Variants in NRXN3 observed in about 807,000 individuals in gnomAD.
NRXN3 encodes neurexin III.
NRXN3 carries 32 observed loss-of-function variants against 137.6 expected under a neutral mutation model. That is an observed-to-expected ratio of 0.23 (90% CI 0.18 to 0.31). The LOEUF is 0.31. Ranked by LOEUF, NRXN3 falls within the 10% of genes least tolerant of loss-of-function variation. The pLI, the probability that NRXN3 is intolerant of heterozygous loss-of-function variation, is 1.00. For missense variants in NRXN3, 1,574 were observed against 2,062.5 expected (o/e 0.76, Z 4.59); for synonymous variants, 798 against 784.5 (o/e 1.02, Z -0.29).
intron 15 of NRXN3, among the ~76,000 whole-genome samples, chr14:79,391,926 T>G (rs2094858596): frequency 6.6e-6 from 1 of 152,232 alleles, no homozygotes; most frequent in Admixed American, 6.5e-5. Context: ...GTCTATGTTC[T>G]ATAGTCCCTC....
At chr14:78,498,615 CA>C (rs2095828912) in intron 4 of NRXN3, among the ~76,000 whole-genome samples, 1 of 152,100 alleles carries the variant, frequency 6.6e-6, no homozygotes, top group Non-Finnish European at 1.5e-5. Flanking sequence ...AGTGGTGGTG[CA>C]TACACTTATA....
At chr14:78,407,026 G>T (rs1374040097) in intron 4 of NRXN3, among the ~76,000 whole-genome samples, 1 of 152,182 alleles carries the variant, frequency 6.6e-6, no homozygotes, top group African/African-American at 2.4e-5. Context: ...CAAAGAGAGG[G>T]TCTTAGGGAC....
At chr14:78,370,318 T>C (rs945926992) in intron 4 of NRXN3, among the ~76,000 whole-genome samples, 3 of 152,128 alleles carry the variant, frequency 2.0e-5, no homozygotes, top group Non-Finnish European at 4.4e-5. Context: ...GACACTTTTT[T>C]TTTTTTTTTG....
chr14:79,671,144 A>T (rs915156325), intron 17 of NRXN3, among the ~76,000 whole-genome samples: 1 of 152,150 alleles, frequency 6.6e-6, no homozygotes, highest in Admixed American at 6.5e-5. Context: ...ACCACCCATT[A>T]GGACAGCGTT....
chr14:78,176,619 A>G (rs1399772617), intron 1 of NRXN3, among the ~76,000 whole-genome samples: 1 of 152,166 alleles, frequency 6.6e-6, no homozygotes, highest in Non-Finnish European at 1.5e-5. Context: ...TCAAGTACAA[A>G]TGACAAGATG....
chr14:79,777,162 C>G (rs1422780913), intron 19 of NRXN3, among the ~76,000 whole-genome samples: 1 of 152,066 alleles, frequency 6.6e-6, no homozygotes, highest in South Asian at 2.1e-4. Context: ...TTTTTGTTAG[C>G]CTCTTATGAA....
chr14:79,055,930 G>T (rs2099660404), intron 15 of NRXN3, among the ~76,000 whole-genome samples: 2 of 152,166 alleles, frequency 1.3e-5, no homozygotes, highest in Admixed American at 6.5e-5. Context: ...GTAGGAAGCA[G>T]ATCAAAGGCC....
chr14:78,891,525 G>A (rs28567634), intron 10 of NRXN3, among the ~76,000 whole-genome samples: 2,571 of 151,940 alleles, frequency 0.017, 75 homozygotes, highest in African/African-American at 0.059. Context: ...AAATTCCCAC[G>A]CTTCCCTGTC....
intron 15 of NRXN3, among the ~76,000 whole-genome samples, chr14:79,338,370 G>T (rs774155782): frequency 3.3e-5 from 5 of 151,844 alleles, no homozygotes; most frequent in Admixed American, 6.6e-5. Flanking sequence ...CAGCCTTCAG[G>T]GTTTTCAAGA....
intron 4 of NRXN3, among the ~76,000 whole-genome samples, chr14:78,307,449 T>C (rs2077485232): frequency 6.6e-6 from 1 of 152,130 alleles, no homozygotes; most frequent in Admixed American, 6.6e-5. Context: ...TAACTTTCAT[T>C]AAGAAGGATT....
chr14:79,289,303 T>C (rs1398862880), intron 15 of NRXN3, among the ~76,000 whole-genome samples: 1 of 152,200 alleles, frequency 6.6e-6, no homozygotes, highest in African/African-American at 2.4e-5. Context: ...TCTGCCAGTG[T>C]TGGACTTGCC....
chr14:79,804,422 G>T (rs941246216), intron 19 of NRXN3, among the ~76,000 whole-genome samples: 1 of 152,090 alleles, frequency 6.6e-6, no homozygotes, highest in African/African-American at 2.4e-5. Flanking sequence ...AATTTAAAAG[G>T]TGCCTCAAGT....
intron 16 of NRXN3, among the ~76,000 whole-genome samples, chr14:79,644,983 TC>T: frequency 7.4e-6 from 1 of 135,408 alleles, no homozygotes; most frequent in East Asian, 2.0e-4. Context: ...GGATTCCAAA[TC>T]CCAATTCAGG....
At chr14:79,804,287 T>A (rs1195290331) in intron 19 of NRXN3, among the ~76,000 whole-genome samples, 1 of 152,130 alleles carries the variant, frequency 6.6e-6, no homozygotes, top group Non-Finnish European at 1.5e-5. Flanking sequence ...GCATGCAATA[T>A]GTACCAAATA....
chr14:78,934,349 C>T (rs1045097066), intron 10 of NRXN3, among the ~76,000 whole-genome samples: 1 of 152,144 alleles, frequency 6.6e-6, no homozygotes, highest in African/African-American at 2.4e-5. Flanking sequence ...CTTTCCCAGA[C>T]AATGCTTCCA....
At chr14:79,609,642 C>T (rs75625457) in intron 16 of NRXN3, among the ~76,000 whole-genome samples, 16,915 of 152,122 alleles carry the variant, frequency 0.11, 1,105 homozygotes, top group South Asian at 0.23. Flanking sequence ...TTTATCACTA[C>T]GTAGAGTAAA....
At chr14:79,505,627 A>G (rs1306549388) in intron 16 of NRXN3, among the ~76,000 whole-genome samples, 1 of 152,220 alleles carries the variant, frequency 6.6e-6, no homozygotes, top group Non-Finnish European at 1.5e-5. Context: ...TGTCTAATAT[A>G]TATTACCTTA....
At chr14:79,110,227 G>C (rs1368190701) in intron 15 of NRXN3, among the ~76,000 whole-genome samples, 1 of 152,106 alleles carries the variant, frequency 6.6e-6, no homozygotes, top group African/African-American at 2.4e-5. Flanking sequence ...AAACTGAAGA[G>C]AGTTAAGACA....
At chr14:78,853,632 G>A (rs1478730295) in intron 10 of NRXN3, among the ~76,000 whole-genome samples, 1 of 152,026 alleles carries the variant, frequency 6.6e-6, no homozygotes, top group Admixed American at 6.6e-5. Context: ...TTCAATGCAT[G>A]GCTACAATTA....
Sources: allele counts gnomAD v4.1 joint callset (sites outside exome capture counted in the v4.1 genomes callset), GRCh38; gene constraint gnomAD v4.1.1; transcripts MANE v1.5; gene names NCBI Gene and HGNC (gene_info 2026-07-23, HGNC 2026-07-21).